The following TMEM132D variants were observed in gnomAD, a reference collection of about 807,000 sequenced individuals.
TMEM132D encodes transmembrane protein 132D.
A neutral mutation model predicts 62.3 loss-of-function variants in TMEM132D; 21 were observed. The observed-to-expected ratio is 0.34, with a 90% CI of 0.24 to 0.49. The LOEUF (loss-of-function observed/expected upper bound fraction) is 0.49. Among genes scored for constraint, TMEM132D ranks in the 20% least tolerant of loss-of-function variants. The pLI is 0.99. For synonymous variants in TMEM132D, 621 were observed against 575.6 expected (o/e 1.08, Z -1.13); for missense variants, 1,346 against 1,402.8 (o/e 0.96, Z 0.65).
chr12:129,694,805 G>A (rs1250319047), intron 2 of TMEM132D, among the ~76,000 whole-genome samples: 1 of 152,116 alleles, frequency 6.6e-6, no homozygotes, highest in Non-Finnish European at 1.5e-5. Context: ...TCAGGAGATC[G>A]AGACCATCCT....
chr12:129,107,147 A>C (rs1418653570), intron 5 of TMEM132D, among the ~76,000 whole-genome samples: 2 of 152,210 alleles, frequency 1.3e-5, no homozygotes, highest in African/African-American at 4.8e-5. Flanking sequence ...CAAGAGCTCT[A>C]ATAGGAAAGA....
intron 3 of TMEM132D, among the ~76,000 whole-genome samples, chr12:129,492,813 C>T (rs987103748): frequency 2.6e-5 from 4 of 152,068 alleles, no homozygotes; most frequent in Admixed American, 6.6e-5. Flanking sequence ...GAACAAAGCA[C>T]GGGCAATCGG....
chr12:129,124,302 C>T (rs575616228), intron 5 of TMEM132D, among the ~76,000 whole-genome samples: 11 of 152,096 alleles, frequency 7.2e-5, no homozygotes, highest in Non-Finnish European at 1.5e-4. Context: ...TCACCTTGAA[C>T]GTAGAGGTAC....
At chr12:129,849,030 C>A (rs530328777) in intron 1 of TMEM132D, among the ~76,000 whole-genome samples, 7 of 149,506 alleles carry the variant, frequency 4.7e-5, no homozygotes, top group East Asian at 2.4e-4. Context: ...TTCATTCACT[C>A]CCAAGACTGG....
chr12:129,432,383 T>C (rs988495442), intron 3 of TMEM132D, among the ~76,000 whole-genome samples: 1 of 152,036 alleles, frequency 6.6e-6, no homozygotes, highest in African/African-American at 2.4e-5. Context: ...TTTATTTCCA[T>C]TTACTATAAT....
At chr12:129,375,884 G>A (rs1429722875) in intron 3 of TMEM132D, among the ~76,000 whole-genome samples, 1 of 152,154 alleles carries the variant, frequency 6.6e-6, no homozygotes, top group Non-Finnish European at 1.5e-5. Flanking sequence ...ACAAACTCAT[G>A]TTTGAGCCCC....
At chr12:129,346,784 A>T (rs954008124) in intron 3 of TMEM132D, among the ~76,000 whole-genome samples, 1 of 152,188 alleles carries the variant, frequency 6.6e-6, no homozygotes, top group Non-Finnish European at 1.5e-5. Context: ...TTTGAAGGTG[A>T]CATGATTGTA....
intron 1 of TMEM132D, among the ~76,000 whole-genome samples, chr12:129,858,867 G>T (rs375178435): frequency 4.9e-5 from 6 of 123,064 alleles, no homozygotes; most frequent in African/African-American, 9.5e-5. Context: ...AACAGAGTCC[G>T]GGGGAACGGG....
chr12:129,860,952 A>G (rs890449806), intron 1 of TMEM132D, among the ~76,000 whole-genome samples: 1 of 152,194 alleles, frequency 6.6e-6, no homozygotes, highest in African/African-American at 2.4e-5. Flanking sequence ...CCCATGACAC[A>G]TAGGGATTAT....
intron 4 of TMEM132D, among the ~76,000 whole-genome samples, chr12:129,221,237 G>A (rs966775741): frequency 6.6e-6 from 1 of 152,196 alleles, no homozygotes; most frequent in African/African-American, 2.4e-5. Context: ...AGATGATGCA[G>A]TGAGGAGATG....
intron 4 of TMEM132D, among the ~76,000 whole-genome samples, chr12:129,222,590 C>A (rs1879377812): frequency 6.6e-6 from 1 of 152,128 alleles, no homozygotes; most frequent in African/African-American, 2.4e-5. Flanking sequence ...GCAATATGAT[C>A]ATGTTCCCCT....
intron 1 of TMEM132D, among the ~76,000 whole-genome samples, chr12:129,851,652 C>CACAGCACTGCTTCCCT (rs532600216): frequency 6.6e-6 from 1 of 152,180 alleles, no homozygotes; most frequent in Non-Finnish European, 1.5e-5. Flanking sequence ...CACCCATGTT[C>CACAGCACTGCTTCCCT]ACAGCACTGC....
intron 1 of TMEM132D, among the ~76,000 whole-genome samples, chr12:129,899,150 T>A (rs1396029434): frequency 6.6e-6 from 1 of 150,452 alleles, no homozygotes; most frequent in Non-Finnish European, 1.5e-5. Flanking sequence ...GATGAAATGA[T>A]AGATGGATAG....
At chr12:129,812,059 CT>C (rs1384882153) in intron 1 of TMEM132D, among the ~76,000 whole-genome samples, 2 of 151,868 alleles carry the variant, frequency 1.3e-5, no homozygotes, top group African/African-American at 4.8e-5. Flanking sequence ...CTGTTCCAAG[CT>C]GCTACCTTGG....
At chr12:129,352,980 C>G (rs1869916413) in intron 3 of TMEM132D, among the ~76,000 whole-genome samples, 1 of 152,180 alleles carries the variant, frequency 6.6e-6, no homozygotes, top group Non-Finnish European at 1.5e-5. Flanking sequence ...TTGATTTGCA[C>G]TGTGCACTTG....
At chr12:129,193,300 G>T (rs1000267438) in intron 5 of TMEM132D, among the ~76,000 whole-genome samples, 2 of 152,034 alleles carry the variant, frequency 1.3e-5, no homozygotes, top group Non-Finnish European at 2.9e-5. Context: ...TAATGCAGCT[G>T]TTGCCAATAT....
At chr12:129,195,350 G>T (rs1878518258) in intron 5 of TMEM132D, among the ~76,000 whole-genome samples, 1 of 152,062 alleles carries the variant, frequency 6.6e-6, no homozygotes, top group South Asian at 2.1e-4. Flanking sequence ...TAAGAGGGAG[G>T]GTGGGGAGAT....
At chr12:129,352,702 C>T (rs1474180407) in intron 3 of TMEM132D, among the ~76,000 whole-genome samples, 1 of 151,978 alleles carries the variant, frequency 6.6e-6, no homozygotes, top group Admixed American at 6.5e-5. Context: ...AAATCAAAAC[C>T]ACAATGAGAT....
intron 5 of TMEM132D, among the ~76,000 whole-genome samples, chr12:129,129,320 G>T (rs567993824): frequency 6.6e-6 from 1 of 152,306 alleles, no homozygotes; most frequent in South Asian, 2.1e-4. Context: ...AGGACATGAT[G>T]ATTTCATTCT....
Sources: allele counts gnomAD v4.1 joint callset (sites outside exome capture counted in the v4.1 genomes callset), GRCh38; gene constraint gnomAD v4.1.1; transcripts MANE v1.5; gene names NCBI Gene and HGNC (gene_info 2026-07-23, HGNC 2026-07-21).